JADE3: variants seen among roughly 807,000 people sequenced by gnomAD.
JADE3 encodes the protein protein Jade-3.
In JADE3, 2 loss-of-function variants were observed where a neutral mutation model predicts 50.1. The ratio of observed to expected loss-of-function variants is 0.04; its 90% confidence interval spans 0.02 to 0.13. The LOEUF (loss-of-function observed/expected upper bound fraction) is 0.13. Among genes scored for constraint, JADE3 ranks in the 10% least tolerant of loss-of-function variants. The pLI, the probability that JADE3 is intolerant of heterozygous loss-of-function variation, is 1.00. For missense variants in JADE3, 475 were observed against 634.4 expected (o/e 0.75, Z 2.70); for synonymous variants, 218 against 232.9 (o/e 0.94, Z 0.58).
At chrX:47,055,595 G>A (rs1427600676) in intron 9 of JADE3, among the ~76,000 whole-genome samples, 1 of 112,212 alleles carries the variant, frequency 8.9e-6, no homozygotes, top group African/African-American at 3.2e-5. Flanking sequence ...GTATGAGAGA[G>A]AGAGTATTTC....
chrX:46,990,251 C>T (rs1391565640), intron 3 of JADE3, among the ~76,000 whole-genome samples: 1 of 111,268 alleles, frequency 9.0e-6, no homozygotes, highest in Non-Finnish European at 1.9e-5. Flanking sequence ...TCAGTTGTAT[C>T]CTGGACTTTT....
intron 3 of JADE3, among the ~76,000 whole-genome samples, chrX:46,992,811 T>G (rs1474720043): frequency 8.9e-6 from 1 of 112,069 alleles, no homozygotes; most frequent in African/African-American, 3.2e-5. Context: ...AGTGTATCAG[T>G]GAGATTCTTG....
intron 1 of JADE3, among the ~76,000 whole-genome samples, chrX:46,952,020 T>C (rs1927015778): frequency 9.0e-6 from 1 of 111,673 alleles, no homozygotes; most frequent in South Asian, 3.8e-4. Context: ...CACCTCAGCC[T>C]CCTGGGTAGC....
At chrX:46,998,089 T>G in intron 3 of JADE3, 31 bp from the exon 4 acceptor site, 16 of 1,163,882 alleles carry the variant, frequency 1.4e-5, no homozygotes, top group Non-Finnish European at 1.9e-5. Flanking sequence ...ATAGTGATGG[T>G]CTTCTCAAGA....
chrX:47,041,542 T>C (rs782366989), intron 8 of JADE3, among the ~76,000 whole-genome samples: 2 of 110,152 alleles, frequency 1.8e-5, no homozygotes, highest in Admixed American at 1.9e-4. Context: ...TACACCTGGC[T>C]CATTTAAAAA....
rs1928714070 is a variant in JADE3 at position 47,018,130 on chromosome X, T to C, written c.285-6594T>C. On this transcript the variant is annotated intron_variant, in intron 4 of 10. Transcript: ENST00000614628. ...TAAAAGAACAACCCCTAATGATAAATGGAAACACATGCCTGCCTCCCACTC... is the reference window on the plus strand; with the variant it reads ...TAAAAGAACAACCCCTAATGATAAACGGAAACACATGCCTGCCTCCCACTC... 4.5e-5 allele frequency among the ~76,000 whole-genome samples: 5 copies of C among 110,825 alleles called. No homozygotes were observed. The Admixed American group carries it at 4.8e-4, about 11-fold the overall frequency.
At chrX:46,926,129 A>G (rs2147105165) in intron 1 of JADE3, among the ~76,000 whole-genome samples, 1 of 109,283 alleles carries the variant, frequency 9.2e-6, no homozygotes, top group African/African-American at 3.4e-5. Flanking sequence ...TCCTGGGCTC[A>G]AGCAATCCTT....
intron 8 of JADE3, among the ~76,000 whole-genome samples, chrX:47,045,917 A>G (rs1361123247): frequency 2.7e-5 from 3 of 111,262 alleles, no homozygotes; most frequent in African/African-American, 9.8e-5. Context: ...AGGAAAGTTT[A>G]TAACAATAAG....
intron 4 of JADE3, among the ~76,000 whole-genome samples, chrX:47,000,881 G>A (rs946667714): frequency 1.8e-5 from 2 of 111,997 alleles, no homozygotes; most frequent in Admixed American, 1.9e-4. Flanking sequence ...GAAACTAAAA[G>A]AGTTTAACTT....
rs919046003 is a variant in JADE3, at chrX:47,059,142, C to G, written c.*65C>G. 3.4e-5 allele frequency: 28 copies of G among 813,918 alleles called. No homozygotes were observed. In the South Asian group the frequency reaches 5.4e-4, roughly 16 times the overall value. The allele number at this position is 813,918 out of a possible 1,213,427, so 67.1% of individuals were successfully genotyped here. Reference sequence around the variant, plus strand: ...CCATATATTGGGGAAAACCCATACACCAAAAGGATTTTAGCATATGTTAAG... The same window carrying G: ...CCATATATTGGGGAAAACCCATACAGCAAAAGGATTTTAGCATATGTTAAG... On this transcript the variant is annotated 3_prime_UTR_variant, in exon 11 of 11. Coordinates refer to ENST00000614628, the MANE Select transcript of JADE3 (RefSeq NM_014735.5).
chrX:47,028,881 T>G (rs1224810724), intron 6 of JADE3, among the ~76,000 whole-genome samples: 2 of 111,516 alleles, frequency 1.8e-5, no homozygotes, highest in African/African-American at 3.3e-5. Context: ...TGTAAATGCC[T>G]CCTCCTATGT....
At chrX:47,023,108 G>C (rs1556364821) in intron 4 of JADE3, among the ~76,000 whole-genome samples, 1 of 111,125 alleles carries the variant, frequency 9.0e-6, no homozygotes, top group Non-Finnish European at 1.9e-5. Context: ...TACAAATTTG[G>C]CATTTTTTCC....
At chrX:46,950,376 G>A (rs1556344565) in intron 1 of JADE3, among the ~76,000 whole-genome samples, 5 of 112,499 alleles carry the variant, frequency 4.4e-5, no homozygotes, top group African/African-American at 1.6e-4. Context: ...CATATAAATA[G>A]AAGCGTATAA....
At chrX:46,991,655 G>T (rs1333208493) in intron 3 of JADE3, among the ~76,000 whole-genome samples, 7 of 111,526 alleles carry the variant, frequency 6.3e-5, no homozygotes, top group African/African-American at 2.3e-4. Context: ...TTCCAAAGGG[G>T]CTCATCATTT....
At chrX:47,032,189 A>G (rs182294155) in intron 6 of JADE3, among the ~76,000 whole-genome samples, 2 of 111,905 alleles carry the variant, frequency 1.8e-5, no homozygotes, top group East Asian at 5.6e-4. Flanking sequence ...ATAGTGGGGC[A>G]TGAGATCAGA....
At chrX:46,947,626 G>A (rs190488544) in intron 1 of JADE3, among the ~76,000 whole-genome samples, 27 of 111,413 alleles carry the variant, frequency 2.4e-4, no homozygotes, top group African/African-American at 8.5e-4. Flanking sequence ...TTGGAGTTTT[G>A]GATATTGATG....
intron 1 of JADE3, among the ~76,000 whole-genome samples, chrX:46,958,355 TCTC>T (rs1289349297): frequency 1.8e-5 from 2 of 112,013 alleles, no homozygotes; most frequent in African/African-American, 3.2e-5. Flanking sequence ...GCTTTTGAAT[TCTC>T]CTCTTTTCTT....
At chrX:47,033,855 A>G in intron 7 of JADE3, 67 bp downstream of exon 7, 1 of 933,003 alleles carries the variant, frequency 1.1e-6, no homozygotes, top group Non-Finnish European at 1.5e-6. Flanking sequence ...CAGCATTCAG[A>G]CTGACTCAGG....
intron 1 of JADE3, among the ~76,000 whole-genome samples, chrX:46,930,093 T>C (rs1556339607): frequency 8.9e-6 from 1 of 112,440 alleles, no homozygotes; most frequent in African/African-American, 3.2e-5. Flanking sequence ...GAATCTGGGC[T>C]GTCCTTGTGA....
Sources: allele counts gnomAD v4.1 joint callset (sites outside exome capture counted in the v4.1 genomes callset), GRCh38; gene constraint gnomAD v4.1.1; transcripts MANE v1.5; gene names NCBI Gene and HGNC (gene_info 2026-07-23, HGNC 2026-07-21).